Variants in PKD1L1 observed in about 807,000 individuals in gnomAD.
PKD1L1 encodes the protein polycystin-1-like protein 1.
Under a neutral mutation model 323.4 loss-of-function variants are expected in PKD1L1, and 236 were observed. The observed-to-expected ratio is 0.73, with a 90% confidence interval of 0.66 to 0.81. The LOEUF is 0.81. Ranked by LOEUF, PKD1L1 falls within the 40% of genes least tolerant of loss-of-function variation. PKD1L1 has a pLI of 0.00. For missense variants in PKD1L1, 3,320 were observed against 3,508.0 expected (o/e 0.95, Z 1.35); for synonymous variants, 1,344 against 1,335.0 (o/e 1.01, Z -0.15).
chr7:47,918,855 G>T (rs970242060), intron 7 of PKD1L1, among the ~76,000 whole-genome samples: 1 of 152,108 alleles, frequency 6.6e-6, no homozygotes, highest in Non-Finnish European at 1.5e-5. Context: ...AAACCTCTGG[G>T]ACACAGCAAA....
intron 7 of PKD1L1, among the ~76,000 whole-genome samples, chr7:47,927,961 C>G (rs1787686535): frequency 1.3e-5 from 2 of 152,268 alleles, no homozygotes; most frequent in South Asian, 4.1e-4. Flanking sequence ...TAGATTTGGT[C>G]CATTAAATTA....
chr7:47,836,047 G>A (rs1201990580), intron 37 of PKD1L1, among the ~76,000 whole-genome samples: 16 of 152,214 alleles, frequency 1.1e-4, no homozygotes, highest in Admixed American at 9.2e-4. Flanking sequence ...GAGGCCGACC[G>A]TAGGTTTCCT....
At chr7:47,863,546 T>C (rs1786081268) in intron 26 of PKD1L1, among the ~76,000 whole-genome samples, 1 of 151,990 alleles carries the variant, frequency 6.6e-6, no homozygotes, top group South Asian at 2.1e-4. Context: ...CAAGAAATCA[T>C]GTCGTGAAGC....
chr7:47,938,165 C>T (rs540233960), intron 3 of PKD1L1, among the ~76,000 whole-genome samples: 1 of 152,112 alleles, frequency 6.6e-6, no homozygotes, highest in Non-Finnish European at 1.5e-5. Flanking sequence ...ATAGGTTAAC[C>T]AACGGCCCAG....
At chr7:47,923,022 A>G (rs1025510796) in intron 7 of PKD1L1, among the ~76,000 whole-genome samples, 5 of 152,250 alleles carry the variant, frequency 3.3e-5, no homozygotes, top group African/African-American at 1.2e-4. Context: ...CTGTTAATCC[A>G]TAACCTTACC....
intron 56 of PKD1L1, among the ~76,000 whole-genome samples, chr7:47,788,589 T>TTTTA (rs1786867402): frequency 7.4e-6 from 1 of 135,046 alleles, no homozygotes; most frequent in African/African-American, 2.7e-5. Context: ...TTTTTTTTTT[T>TTTTA]AATTTTAATT....
At chr7:47,908,612 C>T (rs781750805) in intron 8 of PKD1L1, among the ~76,000 whole-genome samples, 3 of 152,212 alleles carry the variant, frequency 2.0e-5, no homozygotes, top group African/African-American at 7.2e-5. Flanking sequence ...AGTTATCCCA[C>T]AGCTAGACAA....
At chr7:47,859,396 G>T (rs994475274) in intron 26 of PKD1L1, among the ~76,000 whole-genome samples, 1 of 151,996 alleles carries the variant, frequency 6.6e-6, no homozygotes. Context: ...TCCTCTACCT[G>T]CAGTACCTTT....
chr7:47,953,449 T>C (rs915850537), upstream of PKD1L1, among the ~76,000 whole-genome samples: 3 of 152,188 alleles, frequency 2.0e-5, no homozygotes, highest in Non-Finnish European at 2.9e-5. Context: ...CTGCTACTTA[T>C]GTGAGCCCAG....
At chr7:47,782,183 A>G (rs1413721206) in intron 56 of PKD1L1, among the ~76,000 whole-genome samples, 1 of 152,208 alleles carries the variant, frequency 6.6e-6, no homozygotes, top group Non-Finnish European at 1.5e-5. Flanking sequence ...AGTTATAAAT[A>G]ATGTCACCTG....
chr7:47,873,669 A>G (rs1210906836), intron 24 of PKD1L1, among the ~76,000 whole-genome samples: 1 of 144,606 alleles, frequency 6.9e-6, no homozygotes, highest in African/African-American at 2.6e-5. Context: ...AAAAAAAAAA[A>G]AAGAAGGAGA....
chr7:47,887,832 G>A (rs1303647164), intron 17 of PKD1L1, among the ~76,000 whole-genome samples, 158 bp downstream of exon 17: 1 of 152,204 alleles, frequency 6.6e-6, no homozygotes, highest in East Asian at 1.9e-4. Context: ...CACACGGACT[G>A]TAGAGGCAAG....
chr7:47,899,549 G>C (rs897672580), intron 13 of PKD1L1, among the ~76,000 whole-genome samples: 2 of 152,072 alleles, frequency 1.3e-5, no homozygotes, highest in African/African-American at 4.8e-5. Flanking sequence ...AGCAAGCCAG[G>C]CTAGGGGGCC....
chr7:47,832,021 G>A (rs1375239262), intron 41 of PKD1L1, among the ~76,000 whole-genome samples: 5 of 152,216 alleles, frequency 3.3e-5, no homozygotes, highest in African/African-American at 9.6e-5. Context: ...GGGTGCAGCC[G>A]TCTTAGCTCG....
intron 50 of PKD1L1, 44 bp downstream of exon 50, chr7:47,811,773 C>G (rs1420217307): frequency 1.3e-6 from 2 of 1,498,206 alleles, no homozygotes; most frequent in East Asian, 2.4e-5. Flanking sequence ...GAAGCCCCAT[C>G]TTCCTGTGCA....
chr7:47,952,479 C>A (rs1323835796), upstream of PKD1L1, among the ~76,000 whole-genome samples: 3 of 152,188 alleles, frequency 2.0e-5, no homozygotes, highest in African/African-American at 4.8e-5. Flanking sequence ...CCTTCCCTGC[C>A]TCCATTAGCA....
intron 10 of PKD1L1, 36 bp from the exon 11 acceptor site, chr7:47,905,361 C>T: frequency 2.5e-6 from 4 of 1,596,800 alleles, no homozygotes; most frequent in Non-Finnish European, 3.4e-6. Context: ...TCTATGTCAA[C>T]ATAGGAGGGC....
chr7:47,882,669 C>T lies in PKD1L1; in HGVS notation c.3266-584G>A, dbSNP rs565382328. Among the ~76,000 whole-genome samples, 30 of 113,082 alleles carry T rather than the reference C, an allele frequency of 2.7e-4. No individual in the cohort carries two copies. In the South Asian group the frequency reaches 9.2e-3, roughly 35 times the overall value. The allele number at this position is 113,082 out of a possible 152,430, so 74.2% of individuals were successfully genotyped here. A position where few individuals can be genotyped will look rare whatever the true frequency, so the allele number is the denominator to read the frequency against. ...CAAAATGCTGTGGGAATGATCTGCCCTAGTGGTTGGAGGGTGGGAGGGAGG... is the reference window on the plus strand; with the variant it reads ...CAAAATGCTGTGGGAATGATCTGCCTTAGTGGTTGGAGGGTGGGAGGGAGG... On this transcript the variant is annotated intron_variant, in intron 19 of 56. Transcript: ENST00000289672.
chr7:47,878,358 T>C (rs553726102), intron 21 of PKD1L1, among the ~76,000 whole-genome samples: 71 of 152,320 alleles, frequency 4.7e-4, no homozygotes, highest in African/African-American at 1.7e-3. Flanking sequence ...ATTATTCTCA[T>C]ACATATAGTT....
Sources: allele counts gnomAD v4.1 joint callset (sites outside exome capture counted in the v4.1 genomes callset), GRCh38; gene constraint gnomAD v4.1.1; transcripts MANE v1.5; gene names NCBI Gene and HGNC (gene_info 2026-07-23, HGNC 2026-07-21).